The following GGH variants were observed in gnomAD, a reference collection of about 807,000 sequenced individuals.
GGH encodes gamma-Glu-X carboxypeptidase.
A neutral mutation model predicts 39.2 loss-of-function variants in GGH; 18 were observed. The ratio of observed to expected loss-of-function variants is 0.46; its 90% CI spans 0.32 to 0.68. The LOEUF is 0.68. Among genes scored for constraint, GGH ranks in the 30% least tolerant of loss-of-function variants. The probability of loss-of-function intolerance (pLI) is 0.04; values close to 1 mark genes in which losing one functional copy is unlikely to be tolerated. For synonymous variants in GGH, 147 were observed against 138.8 expected (o/e 1.06, Z -0.42); for missense variants, 367 against 384.1 (o/e 0.96, Z 0.37).
intron 1 of GGH, among the ~76,000 whole-genome samples, chr8:63,036,274 A>ACC (rs199592177): frequency 6.6e-6 from 1 of 151,032 alleles, no homozygotes; most frequent in East Asian, 1.9e-4. Flanking sequence ...TTCTTAAGAA[A>ACC]CCCCCCCAAG....
chr8:63,025,798 G>C (rs2129654910), intron 5 of GGH, among the ~76,000 whole-genome samples: 1 of 152,022 alleles, frequency 6.6e-6, no homozygotes, highest in East Asian at 1.9e-4. Context: ...AGACCTTTTT[G>C]CAAATGCAGA....
At chr8:63,027,899 G>A (rs1804726971) in intron 3 of GGH, among the ~76,000 whole-genome samples, 1 of 151,728 alleles carries the variant, frequency 6.6e-6, no homozygotes, top group South Asian at 2.1e-4. Flanking sequence ...TTATAAAGGT[G>A]AAATATAGAA....
intron 4 of GGH, 72 bp from the exon 5 acceptor site, chr8:63,026,368 T>C: frequency 8.1e-7 from 1 of 1,241,198 alleles, no homozygotes. Flanking sequence ...ATATCTTTTG[T>C]CATAACCAAA....
intron 1 of GGH, among the ~76,000 whole-genome samples, chr8:63,038,009 AG>A (rs1346417198): frequency 6.6e-6 from 1 of 152,236 alleles, no homozygotes; most frequent in Non-Finnish European, 1.5e-5. Context: ...TTTTAACCCC[AG>A]GATGATTTCT....
At chr8:63,036,172 C>G (rs1265414556) in intron 1 of GGH, among the ~76,000 whole-genome samples, 1 of 152,178 alleles carries the variant, frequency 6.6e-6, no homozygotes, top group Non-Finnish European at 1.5e-5. Flanking sequence ...CCATCCACAC[C>G]TCTCCAACAT....
intron 5 of GGH, among the ~76,000 whole-genome samples, chr8:63,025,695 C>T (rs548387244): frequency 6.6e-6 from 1 of 151,902 alleles, no homozygotes; most frequent in South Asian, 2.1e-4. Flanking sequence ...TGCGTCACTG[C>T]GCTCCAGACT....
At chr8:63,037,848 G>A (rs1264673010) in intron 1 of GGH, among the ~76,000 whole-genome samples, 3 of 152,050 alleles carry the variant, frequency 2.0e-5, no homozygotes, top group Admixed American at 6.5e-5. Context: ...TGAAAACTGG[G>A]CACTACCTAT....
chr8:63,015,443 GT>G lies in GGH; in HGVS notation c.845del (p.Asn282ThrfsTer15). On this transcript the variant is annotated frameshift_variant, in exon 9 of 9. Coordinates refer to ENST00000260118, the MANE Select transcript of GGH (RefSeq NM_003878.3). LOFTEE classifies it low-confidence loss of function (END_TRUNC). ...AEFFVNEARK[N>X]NHHFKSESEE... ...CAGATTCAGATTTAAAATGATGGTT[GT>G]TTTTCCGAGCTGCAAGAAAAAAAGT... The G allele has an allele frequency of 3.2e-6, 5 of 1,541,684 alleles. No individual in the cohort carries two copies. The highest frequency in any genetic ancestry group is 1.9e-5 in the Admixed American group (1 of 51,398).
chr8:63,033,087 T>C (rs1275407003), intron 2 of GGH, among the ~76,000 whole-genome samples: 1 of 152,240 alleles, frequency 6.6e-6, no homozygotes, highest in Non-Finnish European at 1.5e-5. Flanking sequence ...TTTTAAAGAC[T>C]TTATTTTTTA....
intron 3 of GGH, among the ~76,000 whole-genome samples, chr8:63,028,865 G>A (rs1804748839): frequency 1.3e-5 from 2 of 152,244 alleles, no homozygotes; most frequent in South Asian, 2.1e-4. Flanking sequence ...CTGGGGAGAG[G>A]GTGGGAAGAA....
At chr8:63,025,736 GA>G (rs932614251) in intron 5 of GGH, among the ~76,000 whole-genome samples, 27 of 143,096 alleles carry the variant, frequency 1.9e-4, no homozygotes, top group East Asian at 8.1e-4. Context: ...GTCTTAAAAA[GA>G]AAAAAAAAAA....
At position 63,024,171 on chromosome 8, in the gene GGH, C is replaced by T; in HGVS notation, c.515G>A (p.Arg172Lys). Residue 172 changes from arginine (R) to lysine (K), a missense_variant, in exon 6 of 9, where the codon AGA becomes AAA. By Grantham distance (26) the Arg-to-Lys change is conservative. Coordinates refer to ENST00000260118, the MANE Select transcript of GGH (RefSeq NM_003878.3). ...CTCAGTAGGAAAATTCTGGAACATT[C>T]TGCTGTGCAATTGACCTGAAATAAT... ...LNFTGGQLHS[R>K]MFQNFPTELL... 6.3e-7 allele frequency: 1 copy of T among 1,599,992 alleles called. No individual in the cohort carries two copies. Among genetic ancestry groups the T allele is most frequent in the Non-Finnish European group, 8.6e-7 (1 of 1,167,750 alleles).
chr8:63,015,595 A>C (rs2130949433), intron 8 of GGH, 142 bp from the exon 9 acceptor site: 1 of 443,126 alleles, frequency 2.3e-6, no homozygotes, highest in African/African-American at 2.1e-5. Context: ...CTTCCTATAG[A>C]ACAGCCATCT....
At chr8:63,025,718 G>A (rs149192860) in intron 5 of GGH, among the ~76,000 whole-genome samples, 260 of 151,846 alleles carry the variant, frequency 1.7e-3, no homozygotes, top group East Asian at 3.3e-3. Context: ...GTGACAGAGA[G>A]AGACTCTGTC....
intron 7 of GGH, among the ~76,000 whole-genome samples, chr8:63,019,836 G>A (rs1804553411): frequency 6.6e-6 from 1 of 152,132 alleles, no homozygotes; most frequent in Non-Finnish European, 1.5e-5. Flanking sequence ...TTATGGTCCT[G>A]ATTTGGCTCC....
At chr8:63,015,604 CT>C (rs540829610) in intron 8 of GGH, 151 bp from the exon 9 acceptor site, 73 of 334,946 alleles carry the variant, frequency 2.2e-4, no homozygotes, top group Middle Eastern at 8.4e-4. Flanking sequence ...GAACAGCCAT[CT>C]TTTTTTTTCT....
chr8:63,030,059 C>CT, intron 3 of GGH, 108 bp downstream of exon 3: 1 of 620,228 alleles, frequency 1.6e-6, no homozygotes, highest in South Asian at 2.6e-5. Context: ...CTATACCACT[C>CT]TAAGACAGTT....
intron 2 of GGH, among the ~76,000 whole-genome samples, chr8:63,031,311 C>A (rs1174326475): frequency 1.3e-5 from 2 of 152,170 alleles, no homozygotes; most frequent in Admixed American, 6.5e-5. Context: ...CTCTTCCTGG[C>A]GAGAGCCACA....
intron 7 of GGH, among the ~76,000 whole-genome samples, chr8:63,020,604 TAA>T (rs1280608134): frequency 1.3e-5 from 2 of 152,022 alleles, no homozygotes; most frequent in Non-Finnish European, 2.9e-5. Flanking sequence ...TCGAGATGGC[TAA>T]GAGTTCATCA....
Sources: gnomAD v4.1 joint callset for allele counts (sites outside exome capture counted in the v4.1 genomes callset) on GRCh38, gnomAD v4.1.1 for gene constraint, MANE v1.5 for transcripts, NCBI Gene and HGNC (gene_info 2026-07-23, HGNC 2026-07-21) for gene names.